EMP2: variants seen among roughly 807,000 people sequenced by gnomAD.
EMP2 encodes the protein epithelial membrane protein 2.
A neutral mutation model predicts 13.7 loss-of-function variants in EMP2; 19 were observed. The ratio of observed to expected loss-of-function variants is 1.38; its 90% CI spans 0.97 to 2.03. The LOEUF (loss-of-function observed/expected upper bound fraction) is 2.03. EMP2 is among the 30% of genes most tolerant of loss of function. EMP2 has a pLI of 0.00. For synonymous variants in EMP2, 97 were observed against 84.7 expected (o/e 1.15, Z -0.80); for missense variants, 253 against 220.7 (o/e 1.15, Z -0.93).
At chr16:10,538,996 T>C (rs940614948) in intron 3 of EMP2, among the ~76,000 whole-genome samples, 5 of 151,906 alleles carry the variant, frequency 3.3e-5, no homozygotes, top group Admixed American at 3.3e-4. Flanking sequence ...TTTGTAGGGA[T>C]GGAGTCTCGC....
chr16:10,563,548 T>C (rs17604131), intron 1 of EMP2, among the ~76,000 whole-genome samples: 26,588 of 152,166 alleles, frequency 0.17, 2,698 homozygotes, highest in Non-Finnish European at 0.23. Context: ...GGATCTTTGC[T>C]GGCGAGTTAA....
chr16:10,561,177 G>C (rs77640450), intron 1 of EMP2, among the ~76,000 whole-genome samples: 5,471 of 152,152 alleles, frequency 0.036, 325 homozygotes, highest in African/African-American at 0.13. Flanking sequence ...GGCTGGGGAA[G>C]AGGGCACATG....
At chr16:10,567,671 G>A (rs1347399975) in intron 1 of EMP2, among the ~76,000 whole-genome samples, 2 of 152,174 alleles carry the variant, frequency 1.3e-5, no homozygotes, top group Non-Finnish European at 2.9e-5. Context: ...GACCCCCTGA[G>A]GAAAAGGCAA....
At chr16:10,572,382 G>A (rs181656961) in intron 1 of EMP2, among the ~76,000 whole-genome samples, 110 of 152,080 alleles carry the variant, frequency 7.2e-4, no homozygotes, top group African/African-American at 1.9e-3. Flanking sequence ...AGGTGTTCGC[G>A]GCTGCCGTGA....
chr16:10,579,352 G>A lies in EMP2; in HGVS notation c.-61+1197C>T, dbSNP rs148030961. On this transcript the variant is annotated intron_variant, in intron 1 of 4. Transcript: ENST00000359543. ...CTGGAGTGCAGAGGTGGCTAAAGGC[G>A]GCTTTTAAAAAATTTTTATGATAAA... is the stretch of plus-strand genomic sequence containing the variant. Among the ~76,000 whole-genome samples, 254 of 152,062 alleles carry A rather than the reference G, an allele frequency of 1.7e-3. 3 individuals carry two copies. Among genetic ancestry groups the A allele is most frequent in the Middle Eastern group, 6.8e-3 (2 of 294 alleles).
intron 1 of EMP2, among the ~76,000 whole-genome samples, chr16:10,569,378 G>A (rs1291391775): frequency 2.0e-5 from 3 of 152,156 alleles, no homozygotes; most frequent in Non-Finnish European, 4.4e-5. Context: ...TGCTGCCCAG[G>A]CTGGAATGCA....
chr16:10,535,280 C>A (rs556552399), intron 4 of EMP2, among the ~76,000 whole-genome samples: 2 of 152,116 alleles, frequency 1.3e-5, no homozygotes, highest in South Asian at 4.2e-4. Context: ...GGATGCTATG[C>A]AAGGAAAATG....
chr16:10,534,876 C>T (rs905089145), intron 4 of EMP2, among the ~76,000 whole-genome samples: 1 of 152,250 alleles, frequency 6.6e-6, no homozygotes, highest in African/African-American at 2.4e-5. Flanking sequence ...CCTGGCCAGG[C>T]AGTTTTGGTG....
intron 3 of EMP2, among the ~76,000 whole-genome samples, chr16:10,539,159 T>C (rs2050674532): frequency 6.6e-6 from 1 of 152,132 alleles, no homozygotes; most frequent in African/African-American, 2.4e-5. Flanking sequence ...ATGCTGAATG[T>C]TACCACCAGG....
chr16:10,565,261 C>G (rs554369855), intron 1 of EMP2, among the ~76,000 whole-genome samples: 2 of 152,308 alleles, frequency 1.3e-5, no homozygotes, highest in African/African-American at 4.8e-5. Context: ...GTCAACTTGT[C>G]TGGGTCACAA....
intron 1 of EMP2, among the ~76,000 whole-genome samples, chr16:10,548,803 TACA>T (rs765272287): frequency 4.6e-5 from 7 of 152,306 alleles, no homozygotes; most frequent in South Asian, 2.1e-4. Context: ...CCCAAAAAAA[TACA>T]ACAAGTGGCA....
intron 1 of EMP2, among the ~76,000 whole-genome samples, chr16:10,549,882 T>C (rs913017914): frequency 6.9e-6 from 1 of 145,308 alleles, no homozygotes; most frequent in Admixed American, 6.8e-5. Flanking sequence ...TTTTTCTTTT[T>C]CTTTTTTTTT....
chr16:10,547,663 C>G lies in EMP2; in HGVS notation c.-46G>C, dbSNP rs756265443. On this transcript the variant is annotated 5_prime_UTR_variant, in exon 2 of 5. Coordinates refer to ENST00000359543, the MANE Select transcript of EMP2 (RefSeq NM_001424.6). Reference sequence around the variant, plus strand: ...CGAGGCGAGGGGTCACGTTTAAAGCCCAGAGCGGGATGTGCTGAAGAGGGT... The same window carrying G: ...CGAGGCGAGGGGTCACGTTTAAAGCGCAGAGCGGGATGTGCTGAAGAGGGT... The G allele has an allele frequency of 1.3e-6, 2 of 1,593,112 alleles. No homozygotes were observed.
chr16:10,544,674 G>C (rs1461336179), intron 2 of EMP2: 1 of 152,842 alleles, frequency 6.5e-6, no homozygotes, highest in Non-Finnish European at 1.5e-5. Context: ...TGGGAGGATT[G>C]CTTGAGCCCA....
intron 4 of EMP2, among the ~76,000 whole-genome samples, chr16:10,534,884 G>T (rs2050635284): frequency 1.3e-5 from 2 of 152,228 alleles, no homozygotes; most frequent in South Asian, 2.1e-4. Context: ...GGCAGTTTTG[G>T]TGGGACTATC....
chr16:10,536,943 T>C (rs2142169878), intron 4 of EMP2, among the ~76,000 whole-genome samples: 1 of 152,218 alleles, frequency 6.6e-6, no homozygotes, highest in East Asian at 1.9e-4. Flanking sequence ...CCAGGCAAAC[T>C]AGAACAAGTT....
intron 1 of EMP2, among the ~76,000 whole-genome samples, chr16:10,552,429 C>A (rs182835691): frequency 6.6e-6 from 1 of 152,306 alleles, no homozygotes; most frequent in Admixed American, 6.5e-5. Context: ...ATTGATAGGG[C>A]ATTAAGCAAC....
At chr16:10,568,786 T>TA (rs1567210169) in intron 1 of EMP2, among the ~76,000 whole-genome samples, 3 of 142,474 alleles carry the variant, frequency 2.1e-5, no homozygotes, top group African/African-American at 7.9e-5. Flanking sequence ...TTTTCTTTTT[T>TA]TTTTTTTTTT....
intron 1 of EMP2, among the ~76,000 whole-genome samples, chr16:10,568,686 G>A (rs1014916676): frequency 1.3e-5 from 2 of 152,128 alleles, no homozygotes; most frequent in African/African-American, 4.8e-5. Context: ...CCAAGAGGAC[G>A]GTCGGATTAA....
Sources: gnomAD v4.1 joint callset for allele counts (sites outside exome capture counted in the v4.1 genomes callset) on GRCh38, gnomAD v4.1.1 for gene constraint, MANE v1.5 for transcripts, NCBI Gene and HGNC (gene_info 2026-07-23, HGNC 2026-07-21) for gene names.